PHF14: variants seen among roughly 807,000 people sequenced by gnomAD.
The protein encoded by PHF14 is PHD finger protein 14.
In PHF14, 55 loss-of-function variants were observed where a neutral mutation model predicts 117.9. That is an observed-to-expected ratio of 0.47 (90% CI 0.38 to 0.58). The LOEUF (loss-of-function observed/expected upper bound fraction) is 0.58. Ranked by LOEUF, PHF14 falls within the 20% of genes least tolerant of loss-of-function variation. The pLI is 0.00. For missense variants in PHF14, 978 were observed against 1,122.2 expected, an observed-to-expected ratio of 0.87 and a Z score of 1.84; for synonymous variants, 409 against 368.6, an observed-to-expected ratio of 1.11 and a Z score of -1.26.
intron 5 of PHF14, among the ~76,000 whole-genome samples, chr7:11,019,107 T>C (rs1783635235): frequency 6.6e-6 from 1 of 152,164 alleles, no homozygotes; most frequent in African/African-American, 2.4e-5. Flanking sequence ...CATAATGATC[T>C]TTCTAACGTA....
At chr7:11,140,549 G>C (rs1475708811) in intron 17 of PHF14, among the ~76,000 whole-genome samples, 1 of 151,990 alleles carries the variant, frequency 6.6e-6, no homozygotes, top group Non-Finnish European at 1.5e-5. Context: ...AGGCTTTTGT[G>C]ATGAGATCTT....
At chr7:11,101,802 C>T (rs1183712435) in intron 16 of PHF14, among the ~76,000 whole-genome samples, 2 of 151,846 alleles carry the variant, frequency 1.3e-5, no homozygotes, top group African/African-American at 4.8e-5. Flanking sequence ...CTCATCTTCA[C>T]AGATCTAAAT....
At chr7:11,052,315 T>C (rs143558104) in intron 14 of PHF14, among the ~76,000 whole-genome samples, 422 of 152,346 alleles carry the variant, frequency 2.8e-3, no homozygotes, top group African/African-American at 9.7e-3. Context: ...CATGTAGTTG[T>C]AGTTTATTTA....
chr7:11,136,487 AT>A (rs1477768307), intron 17 of PHF14, among the ~76,000 whole-genome samples: 1 of 152,142 alleles, frequency 6.6e-6, no homozygotes, highest in Non-Finnish European at 1.5e-5. Context: ...TCATTTCACC[AT>A]TCACAAGTAA....
At chr7:11,013,711 A>C (rs1275429833) in intron 4 of PHF14, 36 bp from the exon 5 acceptor site, 1 of 1,223,200 alleles carries the variant, frequency 8.2e-7, no homozygotes, top group African/African-American at 1.5e-5. Context: ...TAACAAAATA[A>C]ACCCTATTTA....
At chr7:11,104,118 G>GT (rs1226521710) in intron 16 of PHF14, 4 of 984,650 alleles carry the variant, frequency 4.1e-6, no homozygotes, top group Admixed American at 6.2e-5. Context: ...TTTATTTTAG[G>GT]TTTTTTGAGA....
At chr7:11,095,994 A>G (rs1786846430) in intron 16 of PHF14, among the ~76,000 whole-genome samples, 1 of 152,178 alleles carries the variant, frequency 6.6e-6, no homozygotes, top group Non-Finnish European at 1.5e-5. Flanking sequence ...TTCTATTTCA[A>G]GGTGCTGTGA....
At chr7:11,106,630 G>A (rs537367662) in intron 16 of PHF14, 132 of 982,024 alleles carry the variant, frequency 1.3e-4, no homozygotes, top group Non-Finnish European at 1.5e-4. Context: ...AAAATAATTG[G>A]CCACTATTCA....
chr7:11,028,792 C>G lies in PHF14; in HGVS notation c.1429C>G (p.Leu477Val). The G allele has an allele frequency of 6.2e-7, 1 of 1,613,744 alleles. No individual in the cohort carries two copies. The highest frequency in any genetic ancestry group is 8.5e-7 in the Non-Finnish European group (1 of 1,179,724). ...TGTGACCTGTGCTCAAAAGGAAGGTCTGCTTTCAGAGGCAGCGGCGGAAGA... is the reference window on the plus strand; with the variant it reads ...TGTGACCTGTGCTCAAAAGGAAGGTGTGCTTTCAGAGGCAGCGGCGGAAGA... ...FHVTCAQKEG[L>V]LSEAAAEEDI... The change falls in exon 7 of 18, where the codon CTG becomes GTG. Residue 477 changes from leucine (L) to valine (V), a missense_variant. By Grantham distance (32) the Leu-to-Val change is conservative. Transcript: ENST00000634607.
chr7:10,999,909 A>AT (rs1263475829), intron 4 of PHF14, among the ~76,000 whole-genome samples: 1 of 152,198 alleles, frequency 6.6e-6, no homozygotes, highest in African/African-American at 2.4e-5. Context: ...AGTTATAAAT[A>AT]TTTTTGAGAC....
chr7:11,066,120 A>C (rs1174485139), intron 16 of PHF14, among the ~76,000 whole-genome samples: 3 of 152,190 alleles, frequency 2.0e-5, no homozygotes, highest in African/African-American at 7.2e-5. Context: ...TGTTGTTCGC[A>C]CTTTTATTTA....
chr7:11,060,565 C>T (rs776451702), intron 14 of PHF14, among the ~76,000 whole-genome samples: 6 of 152,116 alleles, frequency 3.9e-5, no homozygotes, highest in Non-Finnish European at 8.8e-5. Flanking sequence ...TTCAGTGTGT[C>T]GGAGTCAGCC....
chr7:11,132,203 T>G lies in PHF14; in HGVS notation c.2772+20736T>G, dbSNP rs924230875. On this transcript the variant is annotated intron_variant, in intron 17 of 17. Coordinates refer to ENST00000634607, the MANE Select transcript of PHF14 (RefSeq NM_001007157.2). ...TATTGTATATTTTATCTCTAGACCT[T>G]TTTCATCTTATATATCTGCTGCTTT... Among the ~76,000 whole-genome samples, 3 of 151,748 alleles carry G rather than the reference T, an allele frequency of 2.0e-5. 1 individual carries two copies. Among genetic ancestry groups the G allele is most frequent in the Non-Finnish European group, 4.4e-5 (3 of 67,786 alleles).
intron 17 of PHF14, among the ~76,000 whole-genome samples, chr7:11,128,187 CAT>C (rs1425002949): frequency 1.3e-5 from 2 of 152,054 alleles, no homozygotes; most frequent in African/African-American, 2.4e-5. Flanking sequence ...AACCAGACCT[CAT>C]TGCTATCTTT....
chr7:11,068,345 G>A lies in PHF14; in HGVS notation c.2654+6260G>A, dbSNP rs1217896566. 3.1e-4 allele frequency among the ~76,000 whole-genome samples: 25 copies of A among 81,854 alleles called. No individual in the cohort carries two copies. In the East Asian group the frequency reaches 0.014, roughly 44 times the overall value. 53.7% of individuals were successfully genotyped at this position (81,854 alleles called of 152,430 possible). A position where few individuals can be genotyped will look rare whatever the true frequency, so the allele number is the denominator to read the frequency against. On this transcript the variant is annotated intron_variant, in intron 16 of 17. Coordinates refer to ENST00000634607, the MANE Select transcript of PHF14 (RefSeq NM_001007157.2). ...AGCCTGGGTGACAGAGCGAGACTCC[G>A]TCTCAAAAAAAAAAAAAAAAAAAAA...
At position 11,138,843 on chromosome 7, in the gene PHF14, G is replaced by A. The variant is rs138063340; in HGVS notation, c.2772+27376G>A. 4.7e-3 allele frequency among the ~76,000 whole-genome samples: 712 copies of A among 152,164 alleles called. 3 individuals are homozygous for A. Among genetic ancestry groups the A allele is most frequent in the Admixed American group, 6.7e-3 (102 of 15,278 alleles). ...TTTCAGTGTCATTTGCTTCACTGTC[G>A]TTTGCTTCATTGTGTTACTTGGAAC... On this transcript the variant is annotated intron_variant, in intron 17 of 17. Coordinates refer to ENST00000634607, the MANE Select transcript of PHF14 (RefSeq NM_001007157.2).
intron 3 of PHF14, among the ~76,000 whole-genome samples, chr7:10,990,118 T>TA (rs1436289002): frequency 1.3e-5 from 2 of 152,208 alleles, no homozygotes; most frequent in African/African-American, 4.8e-5. Context: ...GGATCTGTCT[T>TA]ACAGTAGTTT....
In PHF14 at chr7:11,111,333, A is replaced by G. The variant is rs879665741; in HGVS notation, c.2655-17A>G. Reference sequence around the variant, plus strand: ...ATTATTTAGATACACCTACCTATAAATCTGTTTACCCTGCAGGTGTGATGA... The same window carrying G: ...ATTATTTAGATACACCTACCTATAAGTCTGTTTACCCTGCAGGTGTGATGA... On this transcript the variant is annotated splice_polypyrimidine_tract_variant and intron_variant, in intron 16 of 17. Coordinates refer to ENST00000634607, the MANE Select transcript of PHF14 (RefSeq NM_001007157.2). 3 of 1,299,894 alleles carry G rather than the reference A, an allele frequency of 2.3e-6. No homozygotes were observed. The highest frequency in any genetic ancestry group is 2.9e-5 in the African/African-American group (2 of 68,746). The allele number at this position is 1,299,894 out of a possible 1,614,324, so 80.5% of individuals were successfully genotyped here. A position where few individuals can be genotyped will look rare whatever the true frequency, so the allele number is the denominator to read the frequency against.
chr7:11,128,958 T>G (rs1400446204), intron 17 of PHF14, among the ~76,000 whole-genome samples: 2 of 151,980 alleles, frequency 1.3e-5, no homozygotes, highest in Admixed American at 6.6e-5. Context: ...TTTGGTAGAC[T>G]TTTTTTGTCA....
Sources: allele counts gnomAD v4.1 joint callset (sites outside exome capture counted in the v4.1 genomes callset), GRCh38; gene constraint gnomAD v4.1.1; transcripts MANE v1.5; gene names NCBI Gene and HGNC (gene_info 2026-07-23, HGNC 2026-07-21).